Variants in CTNND2 observed in about 807,000 individuals in gnomAD.
The protein encoded by CTNND2 is catenin delta 2.
A neutral mutation model predicts 144.4 loss-of-function variants in CTNND2; 22 were observed. The observed-to-expected ratio is 0.15, with a 90% CI of 0.11 to 0.22. The LOEUF is 0.22. Ranked by LOEUF, CTNND2 falls within the 10% of genes least tolerant of loss-of-function variation. The pLI, the probability that CTNND2 is intolerant of heterozygous loss-of-function variation, is 1.00. For missense variants in CTNND2, 1,353 were observed against 1,618.8 expected (o/e 0.84, Z 2.82); for synonymous variants, 751 against 695.6 (o/e 1.08, Z -1.25).
At chr5:11,184,693 T>C (rs1735439174) in intron 11 of CTNND2, among the ~76,000 whole-genome samples, 1 of 152,184 alleles carries the variant, frequency 6.6e-6, no homozygotes, top group East Asian at 1.9e-4. Flanking sequence ...ATTAATAGTC[T>C]GTGGAATTAT....
At chr5:11,018,925 T>TCTCGAACTCCTGAC (rs2149533696) in intron 17 of CTNND2, among the ~76,000 whole-genome samples, 1 of 152,156 alleles carries the variant, frequency 6.6e-6, no homozygotes, top group East Asian at 1.9e-4. Flanking sequence ...GTCAGGCTGG[T>TCTCGAACTCCTGAC]CTCGAACTCC....
At chr5:11,277,982 T>C (rs969071536) in intron 9 of CTNND2, among the ~76,000 whole-genome samples, 1 of 152,192 alleles carries the variant, frequency 6.6e-6, no homozygotes, top group African/African-American at 2.4e-5. Context: ...TCTCCACTTT[T>C]CTGTACCGCA....
chr5:11,289,959 G>C (rs1045009692), intron 9 of CTNND2, among the ~76,000 whole-genome samples: 2 of 152,174 alleles, frequency 1.3e-5, no homozygotes, highest in Non-Finnish European at 2.9e-5. Context: ...GGGCACTATG[G>C]TTGGTGACCT....
chr5:11,118,165 G>A (rs1355955050), intron 12 of CTNND2, among the ~76,000 whole-genome samples: 1 of 152,198 alleles, frequency 6.6e-6, no homozygotes, highest in Non-Finnish European at 1.5e-5. Flanking sequence ...GCAACAGATG[G>A]GGTCTACTGT....
At chr5:11,140,763 G>A (rs1658057286) in intron 12 of CTNND2, among the ~76,000 whole-genome samples, 1 of 152,148 alleles carries the variant, frequency 6.6e-6, no homozygotes, top group African/African-American at 2.4e-5. Flanking sequence ...GAAGCCATCT[G>A]TGTATAGTAT....
At chr5:11,440,394 G>A (rs1764157944) in intron 3 of CTNND2, among the ~76,000 whole-genome samples, 1 of 152,154 alleles carries the variant, frequency 6.6e-6, no homozygotes, top group African/African-American at 2.4e-5. Context: ...ATTGTGATAT[G>A]CTATGATCCT....
chr5:11,502,592 C>G (rs1032622332), intron 3 of CTNND2, among the ~76,000 whole-genome samples: 1 of 152,168 alleles, frequency 6.6e-6, no homozygotes, highest in Non-Finnish European at 1.5e-5. Flanking sequence ...CTCACCACCA[C>G]CATCTATCTT....
At chr5:11,478,072 T>C (rs1342216527) in intron 3 of CTNND2, among the ~76,000 whole-genome samples, 1 of 152,210 alleles carries the variant, frequency 6.6e-6, no homozygotes, top group Non-Finnish European at 1.5e-5. Flanking sequence ...TTAAGCAGTC[T>C]ACTGGAATTA....
intron 6 of CTNND2, chr5:11,386,136 T>G (rs566265887): frequency 5.9e-5 from 9 of 152,322 alleles, no homozygotes; most frequent in Middle Eastern, 3.4e-3. Flanking sequence ...GAGACAAATT[T>G]GCATTCGAAT....
Position 11,384,906 on chromosome 5 carries a change from G to T in CTNND2, c.936C>A (p.Ser312Arg). The change falls in exon 7 of 22, where the codon AGC becomes AGA. Residue 312 changes from serine (S) to arginine (R), a missense_variant. Physicochemically the swap from Ser to Arg is moderately radical, Grantham distance 110. Around this residue, in one of 4 missense-constraint regions of CTNND2, gnomAD observed 708 missense variants for 706.4 expected, o/e 1.00. Coordinates refer to ENST00000304623, the MANE Select transcript of CTNND2 (RefSeq NM_001332.4). The surrounding 1 kb of genome is among the most constrained non-coding windows in gnomAD (Gnocchi z 5.2). ...CGACGATGTTGATGGGCGAGCTGGT[G>T]CTGTAGGACTTGGCCAGGCGGCTGG... ...QSPSRLAKSY[S>R]TSSPINIVVS... The T allele has an allele frequency of 6.2e-7, 1 of 1,608,978 alleles. No individual in the cohort carries two copies.
At chr5:11,890,553 A>G (rs1472115639) in intron 1 of CTNND2, among the ~76,000 whole-genome samples, 1 of 152,150 alleles carries the variant, frequency 6.6e-6, no homozygotes, top group Non-Finnish European at 1.5e-5. Flanking sequence ...GATGAATTAA[A>G]ATTTTATCCT....
chr5:11,284,945 G>A (rs1362002648), intron 9 of CTNND2, among the ~76,000 whole-genome samples: 2 of 152,210 alleles, frequency 1.3e-5, no homozygotes, highest in Admixed American at 1.3e-4. Flanking sequence ...GGGGTCTGGT[G>A]GCCTGACAGA....
intron 1 of CTNND2, among the ~76,000 whole-genome samples, chr5:11,897,748 T>C (rs1198202586): frequency 1.3e-5 from 2 of 152,188 alleles, no homozygotes; most frequent in Non-Finnish European, 2.9e-5. Context: ...TGATGTAGTG[T>C]CAAAATACCA....
intron 3 of CTNND2, among the ~76,000 whole-genome samples, chr5:11,413,596 G>C (rs1761708876): frequency 6.6e-6 from 1 of 152,160 alleles, no homozygotes; most frequent in Non-Finnish European, 1.5e-5. Flanking sequence ...ATCACCTGTA[G>C]CATTTCTTAA....
chr5:11,548,457 A>G (rs902285359), intron 3 of CTNND2, among the ~76,000 whole-genome samples: 2 of 152,232 alleles, frequency 1.3e-5, no homozygotes, highest in Non-Finnish European at 2.9e-5. Context: ...CTTAAAATAT[A>G]AGATTTGTTT....
At chr5:11,474,863 C>T (rs1561447596) in intron 3 of CTNND2, among the ~76,000 whole-genome samples, 1 of 152,026 alleles carries the variant, frequency 6.6e-6, no homozygotes, top group African/African-American at 2.4e-5. Flanking sequence ...TCCATGGTAC[C>T]CTTGAGGTTC....
At chr5:11,101,232 T>C (rs1259204972) in intron 14 of CTNND2, among the ~76,000 whole-genome samples, 1 of 152,210 alleles carries the variant, frequency 6.6e-6, no homozygotes, top group African/African-American at 2.4e-5. Flanking sequence ...GGGAGAAAAG[T>C]ATCATAAGTT....
intron 11 of CTNND2, among the ~76,000 whole-genome samples, chr5:11,199,055 C>T (rs1032845351): frequency 6.6e-6 from 1 of 152,062 alleles, no homozygotes; most frequent in Non-Finnish European, 1.5e-5. Flanking sequence ...TAGGATAAGC[C>T]GTCTGTTGTT....
intron 16 of CTNND2, among the ~76,000 whole-genome samples, chr5:11,035,640 G>C (rs1743990074): frequency 6.6e-6 from 1 of 152,162 alleles, no homozygotes; most frequent in African/African-American, 2.4e-5. Flanking sequence ...ACTGTACTAG[G>C]TACAATAGTT....
Sources: allele counts gnomAD v4.1 joint callset (sites outside exome capture counted in the v4.1 genomes callset), GRCh38; gene constraint gnomAD v4.1.1; regional missense constraint gnomAD v4.1.1; non-coding constraint Gnocchi (gnomAD v3.1); transcripts MANE v1.5; gene names NCBI Gene and HGNC (gene_info 2026-07-23, HGNC 2026-07-21).